Variants in ZNF480 observed in about 807,000 individuals in gnomAD.
The protein encoded by ZNF480 is zinc finger protein 480.
Under a neutral mutation model 14.4 loss-of-function variants are expected in ZNF480, and 15 were observed. The ratio of observed to expected loss-of-function variants is 1.04; its 90% confidence interval spans 0.70 to 1.60. The LOEUF is 1.60. Among genes scored for constraint, ZNF480 ranks in the 40% most tolerant of loss-of-function variants. The pLI is 0.00. For missense variants in ZNF480, 593 were observed against 629.7 expected, an observed-to-expected ratio of 0.94 and a Z score of 0.62; for synonymous variants, 218 against 215.5, an observed-to-expected ratio of 1.01 and a Z score of -0.10.
intron 1 of ZNF480, among the ~76,000 whole-genome samples, chr19:52,299,294 T>C (rs931162856): frequency 2.0e-5 from 3 of 152,162 alleles, no homozygotes; most frequent in African/African-American, 7.2e-5. Flanking sequence ...ATGAACAAAA[T>C]GTGTGGGGAT....
chr19:52,300,606 A>G (rs1982643658), intron 2 of ZNF480, 122 bp downstream of exon 2: 3 of 1,535,202 alleles, frequency 2.0e-6, no homozygotes, highest in African/African-American at 1.4e-5. Flanking sequence ...ACGCTTACCT[A>G]TGCCTTCCCT....
intron 1 of ZNF480, among the ~76,000 whole-genome samples, chr19:52,299,242 CAACACAATAGTG>C (rs1982567023): frequency 6.6e-6 from 1 of 152,138 alleles, no homozygotes. Flanking sequence ...CTCTTGCAGT[CAACACAATAGTG>C]AACACTCAAC....
rs560442164 is a variant in ZNF480 at position 52,311,777 on chromosome 19, A to G, written c.73-2376A>G. Among the ~76,000 whole-genome samples, 4 of 152,238 alleles carry G rather than the reference A, an allele frequency of 2.6e-5. No individual in the cohort carries two copies. In the East Asian group the frequency reaches 7.7e-4, roughly 29 times the overall value. ...CACTGTGAATAAGCCACCTCCATGC[A>G]ACCTGGACAACATAGTGAGACCCTG... On this transcript the variant is annotated intron_variant, in intron 2 of 4. Transcript: ENST00000595962.
intron 2 of ZNF480, among the ~76,000 whole-genome samples, chr19:52,306,371 T>C (rs754443011): frequency 6.6e-6 from 1 of 152,136 alleles, no homozygotes; most frequent in Admixed American, 6.5e-5. Flanking sequence ...TAATGCACAC[T>C]CCTCTAAGCT....
chr19:52,322,171 A>T lies in ZNF480; in HGVS notation c.921A>T (p.Arg307Ser). 6.2e-7 allele frequency: 1 copy of T among 1,614,028 alleles called. No individual in the cohort carries two copies. Among genetic ancestry groups the T allele is most frequent in the Non-Finnish European group, 8.5e-7 (1 of 1,180,004 alleles). ...ATTCTTACCTTGCACGACATCAAAG[A>T]ATTCATGCTGAAGAGAAACCTTACA... ...SNNSYLARHQ[R>S]IHAEEKPYKC... The change falls in exon 5 of 5, where the codon AGA becomes AGT. Residue 307 changes from arginine to serine, a missense_variant. Transcript: ENST00000595962.
At chr19:52,311,941 G>T (rs1411853715) in intron 2 of ZNF480, among the ~76,000 whole-genome samples, 1 of 152,154 alleles carries the variant, frequency 6.6e-6, no homozygotes, top group Non-Finnish European at 1.5e-5. Flanking sequence ...ATATATATAA[G>T]TGTGGACCGT....
chr19:52,312,897 C>G (rs879386859), intron 2 of ZNF480, among the ~76,000 whole-genome samples: 1 of 151,764 alleles, frequency 6.6e-6, no homozygotes, highest in Non-Finnish European at 1.5e-5. Context: ...GTTGGCTCAT[C>G]GCAGCTTCTG....
chr19:52,316,093 C>A, intron 4 of ZNF480, 131 bp downstream of exon 4: 2 of 923,320 alleles, frequency 2.2e-6, no homozygotes, highest in Non-Finnish European at 3.0e-6. Context: ...GTTTCACTGT[C>A]ATGAAACAGA....
intron 2 of ZNF480, chr19:52,307,593 CA>C (rs977218414): frequency 2.2e-4 from 33 of 152,336 alleles, no homozygotes; most frequent in African/African-American, 7.7e-4. Flanking sequence ...AAAGTGTGAT[CA>C]GGGGGCCAAC....
At chr19:52,313,728 A>C in intron 2 of ZNF480, 1 of 347,838 alleles carries the variant, frequency 2.9e-6, no homozygotes. Context: ...GGTGGCTCAC[A>C]CCTGTAATCC....
chr19:52,315,582 A>G (rs1430799119), intron 3 of ZNF480, among the ~76,000 whole-genome samples: 1 of 151,892 alleles, frequency 6.6e-6, no homozygotes, highest in Admixed American at 6.6e-5. Context: ...CGGCCTCCCA[A>G]AGTGCTGGGA....
chr19:52,311,052 G>GT (rs1983260814), intron 2 of ZNF480, among the ~76,000 whole-genome samples: 1 of 147,232 alleles, frequency 6.8e-6, no homozygotes, highest in Non-Finnish European at 1.5e-5. Context: ...GATATTTTCT[G>GT]TGACTTATTT....
In ZNF480 at chr19:52,323,187, A is replaced by T. The variant is rs1983930095; in HGVS notation, c.*329A>T. 1 of 211,738 alleles carries T rather than the reference A, an allele frequency of 4.7e-6. No homozygotes were observed. Among genetic ancestry groups the T allele is most frequent in the Non-Finnish European group, 9.3e-6 (1 of 107,068 alleles). 13.1% of individuals were successfully genotyped at this position (211,738 alleles called of 1,614,324 possible). ...GATTACTATAAACACCTGTATGCAC[A>T]CAAACTAGAAAACCTAGAAAAAATT... On this transcript the variant is annotated 3_prime_UTR_variant, in exon 5 of 5. Transcript: ENST00000595962.
At chr19:52,316,109 A>C (rs1983539342) in intron 4 of ZNF480, 147 bp downstream of exon 4, 1 of 767,342 alleles carries the variant, frequency 1.3e-6, no homozygotes, top group African/African-American at 1.8e-5. Flanking sequence ...ACAGAGCCTG[A>C]GAGACAGAGC....
chr19:52,319,823 T>TTTG (rs1555799210), intron 4 of ZNF480, among the ~76,000 whole-genome samples: 1 of 109,414 alleles, frequency 9.1e-6, no homozygotes, highest in Non-Finnish European at 2.1e-5. Context: ...TTTTTTTTTT[T>TTTG]TTTTTTTTTT....
intron 2 of ZNF480, among the ~76,000 whole-genome samples, chr19:52,303,213 T>G (rs962565766): frequency 2.0e-5 from 3 of 152,206 alleles, no homozygotes; most frequent in Non-Finnish European, 2.9e-5. Context: ...GTAAGAAGCT[T>G]TACTGTTACT....
At chr19:52,307,002 A>G (rs998195795) in intron 2 of ZNF480, among the ~76,000 whole-genome samples, 3 of 152,098 alleles carry the variant, frequency 2.0e-5, no homozygotes, top group African/African-American at 7.2e-5. Context: ...TGGCAAGGAA[A>G]CCTTCTCTGT....
intron 2 of ZNF480, chr19:52,313,894 G>T (rs1027176594): frequency 5.2e-6 from 2 of 384,922 alleles, no homozygotes; most frequent in African/African-American, 4.2e-5. Context: ...CACAAGAATT[G>T]ATTGAACCCA....
chr19:52,309,730 A>G (rs1361196020), intron 2 of ZNF480, among the ~76,000 whole-genome samples: 2 of 152,292 alleles, frequency 1.3e-5, no homozygotes, highest in African/African-American at 2.4e-5. Flanking sequence ...GTACTGGTGC[A>G]TCTCTGGGTG....
Sources: gnomAD v4.1 joint callset for allele counts (sites outside exome capture counted in the v4.1 genomes callset) on GRCh38, gnomAD v4.1.1 for gene constraint, MANE v1.5 for transcripts, NCBI Gene and HGNC (gene_info 2026-07-23, HGNC 2026-07-21) for gene names.